Variants in PJA2 observed in about 807,000 individuals in gnomAD.
PJA2 encodes E3 ubiquitin-protein ligase Praja-2.
A neutral mutation model predicts 69.3 loss-of-function variants in PJA2; 25 were observed. That is an observed-to-expected ratio of 0.36 (90% CI 0.26 to 0.50). PJA2 has a LOEUF of 0.50. Ranked by LOEUF, PJA2 falls within the 20% of genes least tolerant of loss-of-function variation. The probability of loss-of-function intolerance (pLI) is 0.96; values close to 1 mark genes in which losing one functional copy is unlikely to be tolerated. For missense variants in PJA2, 809 were observed against 830.2 expected (o/e 0.97, Z 0.31); for synonymous variants, 308 against 277.8 (o/e 1.11, Z -1.08).
intron 6 of PJA2, 39 bp downstream of exon 6, chr5:109,362,801 G>C: frequency 1.3e-6 from 2 of 1,513,146 alleles, no homozygotes; most frequent in Non-Finnish European, 1.8e-6. Context: ...CATGAACTCA[G>C]AGCCTAATTA....
At chr5:109,354,676 T>C (rs1482701804) in intron 7 of PJA2, among the ~76,000 whole-genome samples, 1 of 147,128 alleles carries the variant, frequency 6.8e-6, no homozygotes, top group African/African-American at 2.5e-5. Context: ...TACAATATAT[T>C]AGAGATCATT....
intron 1 of PJA2, among the ~76,000 whole-genome samples, chr5:109,400,772 G>T (rs947512869): frequency 6.6e-6 from 1 of 152,044 alleles, no homozygotes; most frequent in Non-Finnish European, 1.5e-5. Flanking sequence ...GAGGTCAGGA[G>T]ATTGAGACCA....
At chr5:109,393,218 C>A (rs770776395) in intron 1 of PJA2, among the ~76,000 whole-genome samples, 5 of 151,974 alleles carry the variant, frequency 3.3e-5, no homozygotes, top group Non-Finnish European at 5.9e-5. Flanking sequence ...ACCCAAATGG[C>A]TAAGAAACAT....
Position 109,400,413 on chromosome 5 carries a change from T to C in PJA2, c.-88+9429A>G, listed in dbSNP as rs376409322. ...AAAACCAAAACAGAGCCTCCAAGAA[T>C]TGTGGACTGCATTAAATGAGCTGCC... On this transcript the variant is annotated intron_variant, in intron 1 of 9. Transcript: ENST00000361189. 1.4e-4 allele frequency among the ~76,000 whole-genome samples: 21 copies of C among 145,656 alleles called. No individual in the cohort carries two copies. In the East Asian group the frequency reaches 1.6e-3, roughly 11 times the overall value.
intron 9 of PJA2, among the ~76,000 whole-genome samples, chr5:109,340,923 G>T (rs944487970): frequency 1.7e-5 from 2 of 117,862 alleles, no homozygotes; most frequent in Non-Finnish European, 2.0e-5. Flanking sequence ...ATTGCAGACG[G>T]AGTCTCGTTC....
Position 109,379,194 on chromosome 5 carries a change from CT to C in PJA2, c.292del (p.Ser98ValfsTer12). ...ACCACAAGTGGGAATTTCTGTTTCACTTTTTTCAAATATAGGTTCACTGGGT... is the reference window on the plus strand; with the variant it reads ...ACCACAAGTGGGAATTTCTGTTTCACTTTTTCAAATATAGGTTCACTGGGT... ...SLPSEPIFEK[S>X]ETEIPTCGSA... is the part of the protein sequence containing the mutation. On this transcript the variant is annotated frameshift_variant, in exon 4 of 10. Coordinates refer to ENST00000361189, the MANE Select transcript of PJA2 (RefSeq NM_014819.5). LOFTEE classifies it high-confidence loss of function. 1 of 1,613,924 alleles carries C rather than the reference CT, an allele frequency of 6.2e-7. No homozygotes were observed. Among genetic ancestry groups the C allele is most frequent in the Non-Finnish European group, 8.5e-7 (1 of 1,179,932 alleles).
chr5:109,355,486 T>A (rs1762398259), intron 7 of PJA2, among the ~76,000 whole-genome samples: 1 of 152,174 alleles, frequency 6.6e-6, no homozygotes, highest in African/African-American at 2.4e-5. Flanking sequence ...TTTGCTGGGA[T>A]AAGGAGGAGC....
chr5:109,344,443 G>T lies in PJA2; in HGVS notation c.1880-132C>A, dbSNP rs1582583462. 6 of 984,872 alleles carry T rather than the reference G, an allele frequency of 6.1e-6. No individual in the cohort carries two copies. The East Asian group carries it at 1.3e-4, about 22-fold the overall frequency. The allele number at this position is 984,872 out of a possible 1,614,324, so 61.0% of individuals were successfully genotyped here. A position where few individuals can be genotyped will look rare whatever the true frequency, so the allele number is the denominator to read the frequency against. Reference sequence around the variant, plus strand: ...CAGTCTTTGACCAGTTAATTGGCAGGCATTTCTGTCTAATACTTGGCAATT... The same window carrying T: ...CAGTCTTTGACCAGTTAATTGGCAGTCATTTCTGTCTAATACTTGGCAATT... On this transcript the variant is annotated intron_variant, in intron 8 of 9. Transcript: ENST00000361189.
chr5:109,389,380 G>A (rs1747233075), intron 1 of PJA2, among the ~76,000 whole-genome samples: 1 of 151,994 alleles, frequency 6.6e-6, no homozygotes, highest in Non-Finnish European at 1.5e-5. Context: ...ACTAAACTGT[G>A]TTTTTCAGGG....
chr5:109,357,341 A>C (rs1481214239), intron 6 of PJA2, among the ~76,000 whole-genome samples: 1 of 146,650 alleles, frequency 6.8e-6, no homozygotes, highest in Non-Finnish European at 1.6e-5. Context: ...TGCCGTAATT[A>C]AAATTACCCA....
At chr5:109,385,286 G>A (rs1440211094) in intron 1 of PJA2, among the ~76,000 whole-genome samples, 1 of 152,200 alleles carries the variant, frequency 6.6e-6, no homozygotes. Flanking sequence ...ATACTGGTAA[G>A]AGATCATAGT....
chr5:109,341,632 CCG>C (rs1762063663), intron 9 of PJA2, among the ~76,000 whole-genome samples: 3 of 95,200 alleles, frequency 3.2e-5, no homozygotes, highest in Non-Finnish European at 2.3e-5. Flanking sequence ...GCCAGCCGCC[CCG>C]TCCGGGAGGG....
rs1175416659 is a variant in PJA2, at chr5:109,379,178, G to A, written c.309C>T (p.Pro103=). The change falls in exon 4 of 10, where the codon CCC becomes CCT. Residue 103 remains proline (P), a synonymous_variant. Coordinates refer to ENST00000361189, the MANE Select transcript of PJA2 (RefSeq NM_014819.5). ...PIFEKSETEI[P]TCGSALNQTT... ...TTTGATTCAATGCTGAACCACAAGT[G>A]GGAATTTCTGTTTCACTTTTTTCAA... is the stretch of plus-strand genomic sequence containing the variant. 2 of 1,613,776 alleles carry A rather than the reference G, an allele frequency of 1.2e-6. No individual in the cohort carries two copies. The highest frequency in any genetic ancestry group is 1.3e-5 in the African/African-American group (1 of 74,856).
intron 1 of PJA2, among the ~76,000 whole-genome samples, chr5:109,404,819 C>G (rs1238624664): frequency 6.6e-6 from 1 of 152,172 alleles, no homozygotes; most frequent in Non-Finnish European, 1.5e-5. Flanking sequence ...CATAAGCATT[C>G]AAGCTATAGC....
intron 4 of PJA2, among the ~76,000 whole-genome samples, chr5:109,377,027 G>GA (rs1292400286): frequency 4.0e-5 from 6 of 151,822 alleles, no homozygotes; most frequent in Non-Finnish European, 8.8e-5. Flanking sequence ...GGCTTGAACT[G>GA]AAAAAAACTT....
intron 1 of PJA2, among the ~76,000 whole-genome samples, chr5:109,395,860 T>C (rs1747394306): frequency 6.6e-6 from 1 of 151,424 alleles, no homozygotes; most frequent in Admixed American, 6.6e-5. Flanking sequence ...ATTAGCTGGG[T>C]GTGGAGGCAC....
chr5:109,381,247 G>A (rs962809813), intron 3 of PJA2, among the ~76,000 whole-genome samples: 1 of 152,048 alleles, frequency 6.6e-6, no homozygotes, highest in Admixed American at 6.6e-5. Context: ...TTTGGCTGGA[G>A]GTTATGACAA....
intron 1 of PJA2, among the ~76,000 whole-genome samples, chr5:109,397,948 C>T (rs1453515846): frequency 6.6e-6 from 1 of 152,034 alleles, no homozygotes. Flanking sequence ...AGAACTCAAA[C>T]AAACTTACAA....
chr5:109,361,090 T>C (rs1762496934), intron 6 of PJA2, among the ~76,000 whole-genome samples: 1 of 152,206 alleles, frequency 6.6e-6, no homozygotes, highest in Non-Finnish European at 1.5e-5. Context: ...ATCACACCAC[T>C]GCACTCCAGC....
Sources: gnomAD v4.1 joint callset for allele counts (sites outside exome capture counted in the v4.1 genomes callset) on GRCh38, gnomAD v4.1.1 for gene constraint, MANE v1.5 for transcripts, NCBI Gene and HGNC (gene_info 2026-07-23, HGNC 2026-07-21) for gene names.